The following HMGA2 variants were observed in gnomAD, a reference collection of about 807,000 sequenced individuals.
The protein encoded by HMGA2 is high mobility group AT-hook 2, also known as high mobility group protein HMGI-C.
Under a neutral mutation model 19.1 loss-of-function variants are expected in HMGA2, and 8 were observed. That is an observed-to-expected ratio of 0.42 (90% CI 0.25 to 0.76). The LOEUF (loss-of-function observed/expected upper bound fraction) is 0.76. Ranked by LOEUF, HMGA2 falls within the 30% of genes least tolerant of loss-of-function variation. The pLI is 0.28. For missense variants in HMGA2, 109 were observed against 136.3 expected (o/e 0.80, Z 1.00); for synonymous variants, 60 against 48.8 (o/e 1.23, Z -0.96).
intron 3 of HMGA2, among the ~76,000 whole-genome samples, chr12:65,902,620 C>T (rs1874419993): frequency 6.6e-6 from 1 of 152,138 alleles, no homozygotes; most frequent in Non-Finnish European, 1.5e-5. Context: ...GCTGGATGGC[C>T]AGATCCATTT....
chr12:65,850,543 A>G (rs1292591397), intron 3 of HMGA2, among the ~76,000 whole-genome samples: 2 of 151,646 alleles, frequency 1.3e-5, no homozygotes, highest in Non-Finnish European at 2.9e-5. Flanking sequence ...AAAAAAAAAG[A>G]CTTTTCTGCT....
chr12:65,950,700 G>A (rs78608074), intron 3 of HMGA2, among the ~76,000 whole-genome samples: 2 of 151,858 alleles, frequency 1.3e-5, no homozygotes, highest in East Asian at 3.9e-4. Context: ...TGAATTATGT[G>A]GTATGTAAAT....
chr12:65,889,919 A>G (rs1873831802), intron 3 of HMGA2, among the ~76,000 whole-genome samples: 3 of 152,296 alleles, frequency 2.0e-5, no homozygotes, highest in Admixed American at 2.0e-4. Flanking sequence ...TCACATGGAA[A>G]TCACTCTGAA....
At chr12:65,839,827 T>A (rs531224885) in intron 3 of HMGA2, among the ~76,000 whole-genome samples, 7 of 152,330 alleles carry the variant, frequency 4.6e-5, no homozygotes, top group South Asian at 2.1e-4. Flanking sequence ...CAAGGCTGCC[T>A]CTTTCTTCTA....
At chr12:65,834,383 G>A (rs1870613463) in intron 2 of HMGA2, among the ~76,000 whole-genome samples, 1 of 152,156 alleles carries the variant, frequency 6.6e-6, no homozygotes, top group Admixed American at 6.5e-5. Flanking sequence ...AACACATCCA[G>A]AAGTTTTCTT....
chr12:65,876,160 G>A (rs891631956), intron 3 of HMGA2, among the ~76,000 whole-genome samples: 1 of 151,238 alleles, frequency 6.6e-6, no homozygotes, highest in African/African-American at 2.4e-5. Context: ...ATAAATCTGT[G>A]TTTATAAATG....
chr12:65,824,774 G>C lies in HMGA2; in HGVS notation c.-497G>C, dbSNP rs1224425006. ...CTCTCTCTCTCTCTCTCTCTCGCAGGGTGGGGGGAAGAGGAGGAGGAATTC... is the reference window on the plus strand; with the variant it reads ...CTCTCTCTCTCTCTCTCTCTCGCAGCGTGGGGGGAAGAGGAGGAGGAATTC... On this transcript the variant is annotated 5_prime_UTR_variant, in exon 1 of 5. Transcript: ENST00000403681. 1 of 202,154 alleles carries C rather than the reference G, an allele frequency of 4.9e-6. No individual in the cohort carries two copies. Among genetic ancestry groups the C allele is most frequent in the Non-Finnish European group, 9.5e-6 (1 of 105,570 alleles). The allele number at this position is 202,154 out of a possible 1,614,324, so 12.5% of individuals were successfully genotyped here.
Position 65,825,293 on chromosome 12 carries a change from CG to C in HMGA2, c.27del (p.Gln10SerfsTer156). ...AGGATGAGCGCACGCGGTGAGGGCG[CG>C]GGGCAGCCGTCCACTTCAGCCCAGG... MSARGEG[A>X]GQPSTSAQGQ... On this transcript the variant is annotated frameshift_variant, in exon 1 of 5. Transcript: ENST00000403681. LOFTEE classifies it high-confidence loss of function. The surrounding 1 kb of genome is among the most constrained non-coding windows in gnomAD (Gnocchi z 4.4). The C allele has an allele frequency of 6.5e-7, 1 of 1,533,024 alleles. No individual in the cohort carries two copies. 95.0% of individuals were successfully genotyped at this position (1,533,024 alleles called of 1,614,324 possible).
intron 3 of HMGA2, among the ~76,000 whole-genome samples, chr12:65,927,376 A>G (rs2121257014): frequency 6.6e-6 from 1 of 152,334 alleles, no homozygotes; most frequent in Admixed American, 6.5e-5. Flanking sequence ...AACAAAGGCT[A>G]CGTGTGCCTT....
chr12:65,901,318 G>A (rs879448779), intron 3 of HMGA2, among the ~76,000 whole-genome samples: 1 of 152,196 alleles, frequency 6.6e-6, no homozygotes, highest in Non-Finnish European at 1.5e-5. Context: ...CTATCATCCG[G>A]TTTAACAAAG....
intron 3 of HMGA2, among the ~76,000 whole-genome samples, chr12:65,844,564 A>C (rs569939528): frequency 2.0e-5 from 3 of 152,342 alleles, no homozygotes; most frequent in African/African-American, 7.2e-5. Flanking sequence ...GAATTTGATC[A>C]TTCATGTTTT....
In HMGA2 at chr12:65,824,750, TC is replaced by T. The variant is rs57672800; in HGVS notation, c.-520del. On this transcript the variant is annotated 5_prime_UTR_variant, in exon 1 of 5. Transcript: ENST00000403681. ...CTCTCTCTCTCTCTCTCTCTCTCTCTCTCTCTCTCTCTCTCTCTCGCAGGGT... is the reference window on the plus strand; with the variant it reads ...CTCTCTCTCTCTCTCTCTCTCTCTCTTCTCTCTCTCTCTCTCTCGCAGGGT... 3 of 227,728 alleles carry T rather than the reference TC, an allele frequency of 1.3e-5. No homozygotes were observed. Among genetic ancestry groups the T allele is most frequent in the Non-Finnish European group, 2.6e-5 (3 of 117,604 alleles). The allele number at this position is 227,728 out of a possible 1,614,324, so 14.1% of individuals were successfully genotyped here.
intron 4 of HMGA2, among the ~76,000 whole-genome samples, chr12:65,961,759 ATGTG>A (rs1057233417): frequency 6.9e-6 from 1 of 145,408 alleles, no homozygotes; most frequent in African/African-American, 2.6e-5. Context: ...GTGTGTGTGT[ATGTG>A]TGTGTGTGTG....
intron 3 of HMGA2, among the ~76,000 whole-genome samples, chr12:65,909,368 CT>C (rs1254263214): frequency 1.3e-5 from 2 of 151,924 alleles, no homozygotes; most frequent in Non-Finnish European, 2.9e-5. Context: ...TATGGATTGC[CT>C]TCTTTTTTTT....
intron 3 of HMGA2, among the ~76,000 whole-genome samples, chr12:65,948,260 A>G (rs975248903): frequency 1.3e-5 from 2 of 152,226 alleles, no homozygotes; most frequent in African/African-American, 4.8e-5. Flanking sequence ...GTGCATGAAA[A>G]TTTACTGTTA....
At chr12:65,882,809 T>C (rs931132996) in intron 3 of HMGA2, among the ~76,000 whole-genome samples, 1 of 152,202 alleles carries the variant, frequency 6.6e-6, no homozygotes, top group Non-Finnish European at 1.5e-5. Context: ...GCAGAAACGA[T>C]AGGGAGTTGT....
intron 3 of HMGA2, among the ~76,000 whole-genome samples, chr12:65,849,776 TG>T (rs1169001438): frequency 1.5e-5 from 2 of 130,716 alleles, no homozygotes; most frequent in African/African-American, 3.1e-5. Flanking sequence ...TGGAGTGCAA[TG>T]GCGCGATCCT....
At chr12:65,905,230 T>A (rs1185730817) in intron 3 of HMGA2, among the ~76,000 whole-genome samples, 1 of 151,904 alleles carries the variant, frequency 6.6e-6, no homozygotes, top group Non-Finnish European at 1.5e-5. Context: ...GGATAAATAC[T>A]AAAATGGGCA....
chr12:65,832,080 G>A (rs572659241), intron 2 of HMGA2, among the ~76,000 whole-genome samples: 5 of 151,800 alleles, frequency 3.3e-5, no homozygotes, highest in Non-Finnish European at 5.9e-5. Context: ...GGCCCTATCT[G>A]AGGATACAAA....
Sources: allele counts gnomAD v4.1 joint callset (sites outside exome capture counted in the v4.1 genomes callset), GRCh38; gene constraint gnomAD v4.1.1; non-coding constraint Gnocchi (gnomAD v3.1); transcripts MANE v1.5; gene names NCBI Gene and HGNC (gene_info 2026-07-23, HGNC 2026-07-21).